ERCC5: variants seen among roughly 807,000 people sequenced by gnomAD.
The protein encoded by ERCC5 is DNA excision repair protein ERCC-5.
ERCC5 carries 68 observed loss-of-function variants against 105.6 expected under a neutral mutation model. The observed-to-expected ratio is 0.64, with a 90% CI of 0.53 to 0.79. ERCC5 has a LOEUF of 0.79. ERCC5 is among the 30% of genes least tolerant of loss of function. The pLI is 0.00. For missense variants in ERCC5, 1,373 were observed against 1,426.7 expected, an observed-to-expected ratio of 0.96 and a Z score of 0.61; for synonymous variants, 546 against 526.2, an observed-to-expected ratio of 1.04 and a Z score of -0.51.
At position 102,868,138 on chromosome 13, in the gene ERCC5, T is replaced by C; in HGVS notation, c.2559T>C (p.Asn853=). The change falls in exon 12 of 15, where the codon AAT becomes AAC. Residue 853 remains asparagine, a synonymous_variant. Transcript: ENST00000652225. Reference sequence around the variant, plus strand: ...GATTGGACCGGAATAAGTTAATAAATTTGGCTTATTTGCTTGGAAGTGATT... The same window carrying C: ...GATTGGACCGGAATAAGTTAATAAACTTGGCTTATTTGCTTGGAAGTGATT... ...QLGLDRNKLI[N]LAYLLGSDYT... 1.2e-6 allele frequency: 2 copies of C among 1,614,144 alleles called. No homozygotes were observed. Among genetic ancestry groups the C allele is most frequent in the Non-Finnish European group, 1.7e-6 (2 of 1,180,022 alleles).
intron 5 of ERCC5, among the ~76,000 whole-genome samples, 191 bp downstream of exon 5, chr13:102,856,303 A>ATG (rs1882419099): frequency 6.6e-6 from 1 of 151,922 alleles, no homozygotes; most frequent in Non-Finnish European, 1.5e-5. Flanking sequence ...ACGTGTATAT[A>ATG]TATATATATG....
chr13:102,862,157 T>C lies in ERCC5; in HGVS notation c.1008T>C (p.Asp336=). ...CEKLKTEKEP[D]ATPPSPRTLL... Reference sequence around the variant, plus strand: ...AACTGAAGACAGAGAAAGAGCCTGATGCTACCCCTCCTTCTCCAAGAACTT... The same window carrying C: ...AACTGAAGACAGAGAAAGAGCCTGACGCTACCCCTCCTTCTCCAAGAACTT... The change falls in exon 8 of 15, where the codon GAT becomes GAC. Residue 336 remains aspartate, a synonymous_variant. Transcript: ENST00000652225. 1 of 1,614,224 alleles carries C rather than the reference T, an allele frequency of 6.2e-7. No homozygotes were observed. The highest frequency in any genetic ancestry group is 1.6e-4 in the Middle Eastern group (1 of 6,062).
At chr13:102,850,332 A>T (rs1882159056) in intron 1 of ERCC5, among the ~76,000 whole-genome samples, 1 of 152,062 alleles carries the variant, frequency 6.6e-6, no homozygotes, top group Non-Finnish European at 1.5e-5. Context: ...CTAGGCGGAG[A>T]GAGGGAGAAA....
intron 14 of ERCC5, among the ~76,000 whole-genome samples, chr13:102,874,312 G>A (rs7984530): frequency 1 from 152,022 of 152,332 alleles, 75,857 homozygotes; most frequent in Middle Eastern, 1. Context: ...TTTATTTGTG[G>A]CCATACTAAA....
In ERCC5 at chr13:102,862,975, A is replaced by T. The variant is rs371842233; in HGVS notation, c.1826A>T (p.Lys609Ile). ...NVENVVSFNA[K>I]EHENFLETIQ... ...GAAAATGTGGTGTCATTTAATGCTA[A>T]AGAGCATGAGAATTTTCTGGAAACC... Residue 609 changes from lysine (K) to isoleucine (I), a missense_variant, in exon 8 of 15, where the codon AAA becomes ATA. Around this residue, in one of 3 missense-constraint regions of ERCC5, gnomAD observed 1,004 missense variants for 1,059.7 expected, o/e 0.95. Transcript: ENST00000652225. 1.2e-6 allele frequency: 2 copies of T among 1,614,108 alleles called. No individual in the cohort carries two copies. The highest frequency in any genetic ancestry group is 2.7e-5 in the African/African-American group (2 of 74,942).
chr13:102,862,961 G>A lies in ERCC5; in HGVS notation c.1812G>A (p.Val604=), dbSNP rs2140528650. The change falls in exon 8 of 15, where the codon GTG becomes GTA. Residue 604 remains valine (V), a synonymous_variant. Coordinates refer to ENST00000652225, the MANE Select transcript of ERCC5 (RefSeq NM_000123.4). ...CAGTAGATAATGTGGAAAATGTGGTGTCATTTAATGCTAAAGAGCATGAGA... is the reference window on the plus strand; with the variant it reads ...CAGTAGATAATGTGGAAAATGTGGTATCATTTAATGCTAAAGAGCATGAGA... The part of the protein sequence containing the change: ...SEAVDNVENV[V]SFNAKEHENF... 6.2e-7 allele frequency: 1 copy of A among 1,614,208 alleles called. No individual in the cohort carries two copies. Among genetic ancestry groups the A allele is most frequent in the South Asian group, 1.1e-5 (1 of 91,084 alleles).
intron 12 of ERCC5, 115 bp downstream of exon 12, chr13:102,868,372 G>A: frequency 2.2e-6 from 3 of 1,378,564 alleles, no homozygotes; most frequent in Non-Finnish European, 3.0e-6. Flanking sequence ...ATGGTTCACT[G>A]AGAAAGCAGC....
intron 12 of ERCC5, among the ~76,000 whole-genome samples, chr13:102,868,618 T>TC (rs913674145): frequency 6.6e-6 from 1 of 152,190 alleles, no homozygotes; most frequent in Non-Finnish European, 1.5e-5. Flanking sequence ...CCTCAAGGAC[T>TC]CCCCCCATAT....
At chr13:102,874,345 T>TC (rs1052273925) in intron 14 of ERCC5, among the ~76,000 whole-genome samples, 5 of 152,106 alleles carry the variant, frequency 3.3e-5, no homozygotes, top group Admixed American at 2.6e-4. Flanking sequence ...GATCTAATCC[T>TC]CCCCCCCAAC....
At chr13:102,851,124 T>G (rs1487684628) in intron 1 of ERCC5, among the ~76,000 whole-genome samples, 1 of 152,206 alleles carries the variant, frequency 6.6e-6, no homozygotes, top group African/African-American at 2.4e-5. Flanking sequence ...GTGAACTAGT[T>G]TTTTATATTT....
chr13:102,860,255 GA>G (rs1201075142), intron 6 of ERCC5, among the ~76,000 whole-genome samples: 2 of 152,146 alleles, frequency 1.3e-5, no homozygotes, highest in Admixed American at 6.5e-5. Flanking sequence ...AATAAGGAAA[GA>G]AAAAAATCGT....
In ERCC5 at chr13:102,865,717, G is replaced by T; in HGVS notation, c.2005G>T (p.Glu669Ter). Residue 669 changes from glutamate to a stop codon, truncating the protein, a stop_gained, in exon 9 of 15, where the codon GAA (glutamate) becomes TAA (stop). Transcript: ENST00000652225. LOFTEE classifies it high-confidence loss of function. This position sits in a 1 kb window ranked among gnomAD's most constrained non-coding sequence, Gnocchi z 4.0. ...GATTAGTGATGAGGAACTTCAAGCA[G>T]AATTCCCTGAAACTTCCAAACCTCC... is the stretch of plus-strand genomic sequence containing the variant. ...SVISDEELQA[E>*]FPETSKPPSE... 1 of 1,613,794 alleles carries T rather than the reference G, an allele frequency of 6.2e-7. No individual in the cohort carries two copies. The highest frequency in any genetic ancestry group is 1.1e-5 in the South Asian group (1 of 91,026).
At position 102,872,337 on chromosome 13, in the gene ERCC5, G is replaced by A. The variant is rs146344855; in HGVS notation, c.2818G>A (p.Val940Met). ...TGTTGCCGAGGCCTACCTCAAACCCGTGGTGGATGACTCGAAGGGATCCTT... is the reference window on the plus strand; with the variant it reads ...TGTTGCCGAGGCCTACCTCAAACCCATGGTGGATGACTCGAAGGGATCCTT... ...PAVAEAYLKP[V>M]VDDSKGSFLW... The change falls in exon 13 of 15, where the codon GTG becomes ATG. Residue 940 changes from valine to methionine, a missense_variant. Around this residue, in one of 3 missense-constraint regions of ERCC5, gnomAD observed 367 missense variants for 350.2 expected, o/e 1.05. Coordinates refer to ENST00000652225, the MANE Select transcript of ERCC5 (RefSeq NM_000123.4). The A allele has an allele frequency of 1.3e-3, 2,072 of 1,614,138 alleles. 2 individuals are homozygous for A. The highest frequency in any genetic ancestry group is 1.5e-3 in the Non-Finnish European group (1,735 of 1,180,030).
chr13:102,862,306 G>A lies in ERCC5; in HGVS notation c.1157G>A (p.Arg386Gln), dbSNP rs41557512. 3.7e-6 allele frequency: 6 copies of A among 1,614,056 alleles called. No individual in the cohort carries two copies. The highest frequency in any genetic ancestry group is 5.1e-6 in the Non-Finnish European group (6 of 1,180,024). ...GTAGACGAAGGCTCCATATCACCCCGGACTCTTTCAGCCATTAAGAGAGCT... is the reference window on the plus strand; with the variant it reads ...GTAGACGAAGGCTCCATATCACCCCAGACTCTTTCAGCCATTAAGAGAGCT... ...AAVDEGSISP[R>Q]TLSAIKRALD... Residue 386 changes from arginine to glutamine, a missense_variant, in exon 8 of 15, where the codon CGG becomes CAG. Arg to Gln is a conservative substitution (Grantham distance 43). This residue lies in a region of ERCC5 where 1,004 missense variants were observed against 1,059.7 expected (regional missense o/e 0.95). Coordinates refer to ENST00000652225, the MANE Select transcript of ERCC5 (RefSeq NM_000123.4).
At chr13:102,848,985 A>G (rs755530058) in intron 1 of ERCC5, 2 of 365,160 alleles carry the variant, frequency 5.5e-6, no homozygotes, top group African/African-American at 2.1e-5. Context: ...TTCATATCCT[A>G]TTCTAATGGA....
Position 102,861,712 on chromosome 13 carries a change from A to G in ERCC5, c.878A>G (p.Lys293Arg). ...SEDTSHYILI[K>R]GIQAKTVAEV... is the part of the protein sequence containing the mutation. Reference sequence around the variant, plus strand: ...GACACTTCACATTACATCTTGATAAAAGGTATCAGGCACCATCATTTATAT... The same window carrying G: ...GACACTTCACATTACATCTTGATAAGAGGTATCAGGCACCATCATTTATAT... Residue 293 changes from lysine (K) to arginine (R), a missense_variant and splice_region_variant, in exon 7 of 15, where the codon AAA becomes AGA. Physicochemically the swap from Lys to Arg is conservative, Grantham distance 26. Around this residue, in one of 3 missense-constraint regions of ERCC5, gnomAD observed 1,004 missense variants for 1,059.7 expected, o/e 0.95. Transcript: ENST00000652225. 1.9e-6 allele frequency: 3 copies of G among 1,614,114 alleles called. No homozygotes were observed.
rs567665528 is a variant in ERCC5 at position 102,863,234 on chromosome 13, A to C, written c.1954+131A>C. On this transcript the variant is annotated intron_variant, in intron 8 of 14. Transcript: ENST00000652225. ...AACGAGAGACGTAGAAAGAAAGATG[A>C]AATGACTTTCCCAGGGAGTCACAGC... 6.5e-6 allele frequency: 7 copies of C among 1,084,712 alleles called. No homozygotes were observed. The East Asian group carries it at 1.8e-4, about 28-fold the overall frequency. 67.2% of individuals were successfully genotyped at this position (1,084,712 alleles called of 1,614,324 possible).
At chr13:102,861,079 C>T (rs1882601948) in intron 6 of ERCC5, among the ~76,000 whole-genome samples, 1 of 151,746 alleles carries the variant, frequency 6.6e-6, no homozygotes, top group African/African-American at 2.4e-5. Context: ...ACCTCTGCCT[C>T]CCCGGTTCAA....
chr13:102,855,954 C>T (rs539699648), intron 4 of ERCC5, 98 bp from the exon 5 acceptor site: 4 of 1,213,646 alleles, frequency 3.3e-6, no homozygotes, highest in East Asian at 2.3e-5. Context: ...TTTTATTCAC[C>T]ACTGTAGCCC....
Sources: allele counts gnomAD v4.1 joint callset (sites outside exome capture counted in the v4.1 genomes callset), GRCh38; gene constraint gnomAD v4.1.1; regional missense constraint gnomAD v4.1.1; non-coding constraint Gnocchi (gnomAD v3.1); transcripts MANE v1.5; gene names NCBI Gene and HGNC (gene_info 2026-07-23, HGNC 2026-07-21).